ATG5: variants seen among roughly 807,000 people sequenced by gnomAD.
ATG5 encodes the protein autophagy protein 5.
ATG5 carries 14 observed loss-of-function variants against 36.5 expected under a neutral mutation model. The ratio of observed to expected loss-of-function variants is 0.38; its 90% CI spans 0.25 to 0.60. The LOEUF is 0.60. Ranked by LOEUF, ATG5 falls within the 20% of genes least tolerant of loss-of-function variation. The pLI is 0.60. For missense variants in ATG5, 195 were observed against 326.7 expected (o/e 0.60, Z 3.11); for synonymous variants, 95 against 101.5 (o/e 0.94, Z 0.38).
rs527875806 is a variant in ATG5, at chr6:106,311,142, T to C, written c.109-2651A>G. ...ATTAGAGACCTTTCTAGGACAAAAATAGAAGTAAAACATACTAGAATTCTG... is the reference window on the plus strand; with the variant it reads ...ATTAGAGACCTTTCTAGGACAAAAACAGAAGTAAAACATACTAGAATTCTG... On this transcript the variant is annotated intron_variant, in intron 2 of 7. Coordinates refer to ENST00000369076, the MANE Select transcript of ATG5 (RefSeq NM_004849.4). Among the ~76,000 whole-genome samples, 15 of 152,246 alleles carry C rather than the reference T, an allele frequency of 9.9e-5. No homozygotes were observed. In the South Asian group the frequency reaches 1.7e-3, roughly 17 times the overall value.
intron 7 of ATG5, among the ~76,000 whole-genome samples, chr6:106,197,358 T>C (rs1024926977): frequency 1.3e-5 from 2 of 151,960 alleles, no homozygotes; most frequent in Admixed American, 1.3e-4. Context: ...CTGCCTTTTG[T>C]TTTCAAAAAA....
intron 5 of ATG5, among the ~76,000 whole-genome samples, chr6:106,264,974 C>G (rs1333841847): frequency 1.3e-5 from 2 of 152,020 alleles, no homozygotes; most frequent in African/African-American, 4.8e-5. Flanking sequence ...ATGGCAGGAT[C>G]AAATTCACAC....
At chr6:106,203,840 C>T (rs537024667) in intron 6 of ATG5, among the ~76,000 whole-genome samples, 15 of 152,214 alleles carry the variant, frequency 9.9e-5, no homozygotes, top group African/African-American at 2.6e-4. Flanking sequence ...TAGGCATTAG[C>T]GACAAGGTTT....
chr6:106,246,782 A>AT (rs1312219643), intron 6 of ATG5, among the ~76,000 whole-genome samples: 1 of 152,218 alleles, frequency 6.6e-6, no homozygotes, highest in Non-Finnish European at 1.5e-5. Context: ...TACAAGTAAG[A>AT]TATTTTGCTG....
chr6:106,257,961 G>A (rs1310065537), intron 5 of ATG5, among the ~76,000 whole-genome samples: 3 of 152,204 alleles, frequency 2.0e-5, no homozygotes, highest in Admixed American at 6.5e-5. Context: ...AACAGGAGCT[G>A]TAGAGAATTA....
chr6:106,200,755 C>T (rs943715496), intron 7 of ATG5, among the ~76,000 whole-genome samples: 5 of 152,262 alleles, frequency 3.3e-5, no homozygotes, highest in Admixed American at 1.3e-4. Flanking sequence ...GCTAGGATTA[C>T]GCGTGAGCCA....
At chr6:106,254,182 A>C (rs931120448) in intron 5 of ATG5, among the ~76,000 whole-genome samples, 12 of 152,142 alleles carry the variant, frequency 7.9e-5, no homozygotes, top group Admixed American at 2.0e-4. Context: ...CTCATCATTC[A>C]AGTCTCAATA....
At chr6:106,255,972 C>T (rs556848906) in intron 5 of ATG5, among the ~76,000 whole-genome samples, 3 of 151,950 alleles carry the variant, frequency 2.0e-5, no homozygotes, top group East Asian at 1.9e-4. Flanking sequence ...TTCTCTTGGC[C>T]GAAATTAGTT....
intron 6 of ATG5, 166 bp from the exon 7 acceptor site, chr6:106,202,255 T>C: frequency 2.0e-6 from 1 of 494,150 alleles, no homozygotes; most frequent in Non-Finnish European, 3.6e-6. Context: ...ATGTTTAACA[T>C]GATAAATTCA....
intron 6 of ATG5, among the ~76,000 whole-genome samples, chr6:106,203,792 G>T (rs1776526652): frequency 6.6e-6 from 1 of 152,132 alleles, no homozygotes; most frequent in African/African-American, 2.4e-5. Flanking sequence ...TGTTGCCCAG[G>T]CTGCCTCATA....
At chr6:106,212,171 G>C (rs73775390) in intron 6 of ATG5, among the ~76,000 whole-genome samples, 3,751 of 152,292 alleles carry the variant, frequency 0.025, 65 homozygotes, top group African/African-American at 0.049. Flanking sequence ...GAAATATCAA[G>C]AAGTGAAAAA....
intron 6 of ATG5, among the ~76,000 whole-genome samples, chr6:106,211,900 G>T (rs1325192838): frequency 6.6e-6 from 1 of 152,116 alleles, no homozygotes; most frequent in East Asian, 1.9e-4. Context: ...TGTGTGCTTT[G>T]TTTTTAAGTC....
Position 106,308,399 on chromosome 6 carries a change from C to T in ATG5, c.201G>A (p.Glu67=). 6.3e-7 allele frequency: 1 copy of T among 1,590,626 alleles called. No individual in the cohort carries two copies. The highest frequency in any genetic ancestry group is 8.5e-7 in the Non-Finnish European group (1 of 1,171,066). ...QKVMRQEDIS[E]IWFEYEGTPL... ...GTGTGCCTTCATATTCAAACCATAT[C>T]TCACTAATGTCTTCTTGTCTCATAA... is the stretch of plus-strand genomic sequence containing the variant. The change falls in exon 3 of 8, where the codon GAG becomes GAA. Residue 67 remains glutamate (E), a synonymous_variant. Transcript: ENST00000369076.
intron 3 of ATG5, among the ~76,000 whole-genome samples, chr6:106,304,516 C>G (rs1040369065): frequency 8.5e-5 from 13 of 152,082 alleles, no homozygotes; most frequent in Admixed American, 8.5e-4. Context: ...GAAAAAACCA[C>G]TGATACACGC....
chr6:106,215,489 T>C (rs183599828), intron 6 of ATG5, among the ~76,000 whole-genome samples: 189 of 152,290 alleles, frequency 1.2e-3, no homozygotes, highest in African/African-American at 4.2e-3. Context: ...AAAGGGAAAT[T>C]TCATAAAAAT....
In ATG5 at chr6:106,186,558, G is replaced by T. The variant is rs747155799; in HGVS notation, c.810C>A (p.Ile270=). The part of the protein sequence containing the change: ...YPDNFLHISI[I]PQPTD ...TGATCCTTCAATCTGTTGGCTGTGG[G>T]ATGATACTAATATGAAGAAAATTAT... Residue 270 remains isoleucine (I), a synonymous_variant, in exon 8 of 8, where the codon ATC becomes ATA. Transcript: ENST00000369076. The T allele has an allele frequency of 5.0e-6, 8 of 1,613,576 alleles. No homozygotes were observed. Among genetic ancestry groups the T allele is most frequent in the Non-Finnish European group, 6.8e-6 (8 of 1,179,702 alleles).
rs371306062 is a variant in ATG5 at position 106,288,890 on chromosome 6, T to G, written c.315+4138A>C. On this transcript the variant is annotated intron_variant, in intron 4 of 7. Coordinates refer to ENST00000369076, the MANE Select transcript of ATG5 (RefSeq NM_004849.4). The stretch of plus-strand genomic sequence containing the variant: ...GAAATATGTCTGTTTGAAAACTGTT[T>G]AACAGTGTTTTTTTGAAGAGTTTAG... Among the ~76,000 whole-genome samples the G allele has an allele frequency of 7.2e-5, 11 of 152,316 alleles. No individual in the cohort carries two copies. In the South Asian group the frequency reaches 8.3e-4, roughly 11 times the overall value.
chr6:106,200,632 C>T (rs935184501), intron 7 of ATG5, among the ~76,000 whole-genome samples: 5 of 152,078 alleles, frequency 3.3e-5, no homozygotes, highest in South Asian at 2.1e-4. Context: ...CCCGCCACCA[C>T]GCCCAGCTGA....
intron 4 of ATG5, among the ~76,000 whole-genome samples, chr6:106,289,718 A>G (rs563443789): frequency 6.6e-6 from 1 of 152,308 alleles, no homozygotes; most frequent in African/African-American, 2.4e-5. Flanking sequence ...ACCACTATAC[A>G]TTAACACTAA....
Sources: gnomAD v4.1 joint callset for allele counts (sites outside exome capture counted in the v4.1 genomes callset) on GRCh38, gnomAD v4.1.1 for gene constraint, MANE v1.5 for transcripts, NCBI Gene and HGNC (gene_info 2026-07-23, HGNC 2026-07-21) for gene names.